The following PARD3 variants were observed in gnomAD, a reference collection of about 807,000 sequenced individuals.
PARD3 encodes par-3 family cell polarity regulator, also known as partitioning defective 3 homolog.
A neutral mutation model predicts 155.4 loss-of-function variants in PARD3; 75 were observed. The observed-to-expected ratio is 0.48, with a 90% CI of 0.40 to 0.58. The LOEUF (loss-of-function observed/expected upper bound fraction) is 0.58. Ranked by LOEUF, PARD3 falls within the 20% of genes least tolerant of loss-of-function variation. The probability of loss-of-function intolerance (pLI) is 0.00; values close to 1 mark genes in which losing one functional copy is unlikely to be tolerated. For synonymous variants in PARD3, 576 were observed against 610.5 expected (o/e 0.94, Z 0.83); for missense variants, 1,642 against 1,721.7 (o/e 0.95, Z 0.82).
chr10:34,269,611 T>C (rs568217533), intron 22 of PARD3, 46 bp downstream of exon 22: 32 of 1,603,014 alleles, frequency 2.0e-5, no homozygotes, highest in Middle Eastern at 3.8e-4. Context: ...AGAAGCTGTA[T>C]AAAAGCTGAT....
intron 2 of PARD3, among the ~76,000 whole-genome samples, chr10:34,533,093 C>A (rs538397504): frequency 2.6e-5 from 4 of 152,098 alleles, no homozygotes; most frequent in Non-Finnish European, 4.4e-5. Context: ...AGAAAAAGTA[C>A]AATAAGAATA....
chr10:34,567,637 G>C (rs978001675), intron 2 of PARD3, among the ~76,000 whole-genome samples: 13 of 152,170 alleles, frequency 8.5e-5, no homozygotes, highest in Non-Finnish European at 1.2e-4. Flanking sequence ...CAAGGACAGA[G>C]AGATACAAAC....
intron 1 of PARD3, among the ~76,000 whole-genome samples, chr10:34,772,477 C>G (rs1420682112): frequency 6.6e-6 from 1 of 151,718 alleles, no homozygotes; most frequent in African/African-American, 2.4e-5. Flanking sequence ...AAAGTAAATA[C>G]AAATGATCTA....
intron 2 of PARD3, among the ~76,000 whole-genome samples, chr10:34,598,942 C>T (rs2089528385): frequency 6.6e-6 from 1 of 152,048 alleles, no homozygotes; most frequent in Non-Finnish European, 1.5e-5. Flanking sequence ...TGGTCCAGAA[C>T]TGCACACACA....
chr10:34,555,972 C>T (rs1258627707), intron 2 of PARD3, among the ~76,000 whole-genome samples: 2 of 152,166 alleles, frequency 1.3e-5, no homozygotes, highest in African/African-American at 4.8e-5. Flanking sequence ...GGAGGTAGGA[C>T]AGAGAGAGAG....
chr10:34,650,270 A>G (rs1236272778), intron 2 of PARD3, among the ~76,000 whole-genome samples: 1 of 152,262 alleles, frequency 6.6e-6, no homozygotes, highest in Non-Finnish European at 1.5e-5. Context: ...TCACAGCAGC[A>G]TCACCAAAGA....
chr10:34,476,442 A>AT (rs747199078), intron 3 of PARD3, among the ~76,000 whole-genome samples: 1 of 152,108 alleles, frequency 6.6e-6, no homozygotes, highest in Non-Finnish European at 1.5e-5. Context: ...ATCGCGTTTC[A>AT]TAATACTCTG....
intron 5 of PARD3, among the ~76,000 whole-genome samples, chr10:34,405,414 A>C (rs929009854): frequency 2.0e-5 from 3 of 152,192 alleles, no homozygotes; most frequent in African/African-American, 7.2e-5. Context: ...CAAATAAAAA[A>C]CATATTATTT....
rs201672936 is a variant in PARD3 at position 34,279,401 on chromosome 10, T to C, written c.3176+4734A>G. Among the ~76,000 whole-genome samples the C allele has an allele frequency of 3.3e-5, 5 of 151,990 alleles. No individual in the cohort carries two copies. In the East Asian group the frequency reaches 9.6e-4, roughly 29 times the overall value. ...TTCTCATTTACCTGTGCAATGAAAA[T>C]TTTTTTAAAAAAACTTGAAACTTAG... On this transcript the variant is annotated intron_variant, in intron 21 of 24. Transcript: ENST00000374788.
chr10:34,634,750 T>C (rs1047180113), intron 2 of PARD3, among the ~76,000 whole-genome samples: 41 of 152,224 alleles, frequency 2.7e-4, no homozygotes, highest in African/African-American at 9.9e-4. Flanking sequence ...TCAAATGTAT[T>C]ACGGGCAGAA....
At chr10:34,279,835 T>G (rs886946011) in intron 21 of PARD3, among the ~76,000 whole-genome samples, 4 of 152,174 alleles carry the variant, frequency 2.6e-5, no homozygotes, top group African/African-American at 9.7e-5. Context: ...ATTAGAACAT[T>G]GAATAATGGA....
At chr10:34,784,086 C>T (rs1249050797) in intron 1 of PARD3, among the ~76,000 whole-genome samples, 1 of 152,094 alleles carries the variant, frequency 6.6e-6, no homozygotes, top group Non-Finnish European at 1.5e-5. Flanking sequence ...TGATACACGC[C>T]TGTAGTCCCG....
At chr10:34,764,235 A>G (rs1488748556) in intron 1 of PARD3, among the ~76,000 whole-genome samples, 1 of 152,200 alleles carries the variant, frequency 6.6e-6, no homozygotes, top group East Asian at 1.9e-4. Flanking sequence ...TGGGCAACCT[A>G]GGATTTCTTT....
At chr10:34,298,778 A>C (rs1957027357) in intron 20 of PARD3, among the ~76,000 whole-genome samples, 1 of 152,224 alleles carries the variant, frequency 6.6e-6, no homozygotes, top group African/African-American at 2.4e-5. Flanking sequence ...AAATGATAAC[A>C]ACAATAAAAT....
intron 18 of PARD3, among the ~76,000 whole-genome samples, chr10:34,335,538 T>C (rs1272634534): frequency 6.6e-6 from 1 of 152,062 alleles, no homozygotes; most frequent in Non-Finnish European, 1.5e-5. Context: ...TCGATGACTA[T>C]AATGCAATCC....
intron 23 of PARD3, 72 bp from the exon 24 acceptor site, chr10:34,119,812 T>C: frequency 1.5e-6 from 2 of 1,324,906 alleles, no homozygotes; most frequent in Non-Finnish European, 2.0e-6. Flanking sequence ...GTTGACTCCA[T>C]TTCGATTCTT....
At chr10:34,347,188 GTTATT>G (rs1837520277) in intron 15 of PARD3, among the ~76,000 whole-genome samples, 1 of 152,240 alleles carries the variant, frequency 6.6e-6, no homozygotes, top group African/African-American at 2.4e-5. Context: ...TATGTCAGGT[GTTATT>G]TTAATCAAAA....
chr10:34,806,144 C>T (rs926980251), intron 1 of PARD3, among the ~76,000 whole-genome samples: 2 of 151,714 alleles, frequency 1.3e-5, no homozygotes, highest in Non-Finnish European at 2.9e-5. Context: ...AATCCTCCCA[C>T]GTCAGCCTCC....
At chr10:34,186,230 C>T (rs774257229) in intron 22 of PARD3, among the ~76,000 whole-genome samples, 2 of 152,012 alleles carry the variant, frequency 1.3e-5, no homozygotes, top group African/African-American at 4.8e-5. Context: ...CGGGGTAGCT[C>T]ACGCCTGTAA....
Sources: allele counts gnomAD v4.1 joint callset (sites outside exome capture counted in the v4.1 genomes callset), GRCh38; gene constraint gnomAD v4.1.1; transcripts MANE v1.5; gene names NCBI Gene and HGNC (gene_info 2026-07-23, HGNC 2026-07-21).